RTTN: variants seen among roughly 807,000 people sequenced by gnomAD.
RTTN encodes rotatin.
A neutral mutation model predicts 269.2 loss-of-function variants in RTTN; 182 were observed. The observed-to-expected ratio is 0.68, with a 90% CI of 0.60 to 0.76. RTTN has a LOEUF of 0.76. Among genes scored for constraint, RTTN ranks in the 30% least tolerant of loss-of-function variants. RTTN has a pLI of 0.00. For synonymous variants in RTTN, 1,006 were observed against 963.5 expected (o/e 1.04, Z -0.82); for missense variants, 2,545 against 2,608.6 (o/e 0.98, Z 0.53).
At chr18:70,126,468 T>G (rs567573161) in intron 25 of RTTN, among the ~76,000 whole-genome samples, 10 of 152,222 alleles carry the variant, frequency 6.6e-5, no homozygotes, top group Admixed American at 5.2e-4. Context: ...CTGTAGACAA[T>G]GTGGAGCTAC....
Position 70,054,239 on chromosome 18 carries a change from GC to G in RTTN, c.5076del (p.Gln1693SerfsTer11). The G allele has an allele frequency of 1.9e-6, 3 of 1,613,904 alleles. No homozygotes were observed. Among genetic ancestry groups the G allele is most frequent in the Non-Finnish European group, 2.5e-6 (3 of 1,179,872 alleles). On this transcript the variant is annotated frameshift_variant, in exon 38 of 49. Transcript: ENST00000640769. LOFTEE classifies it high-confidence loss of function. ...LEYLSSLSRL[L>X]QSCLLVEPDL... The stretch of plus-strand genomic sequence containing the variant: ...TCAGGCTCCACCAATAAACATGACT[GC>G]AGAAGCCTGGACAAAGAGGATAGGT...
rs530766421 is a variant in RTTN at position 70,114,398 on chromosome 18, TG to T, written c.3683+46del. ...AAAACTTTGAAAATCAAAGAAAACT[TG>T]GGTTCTATATAAATGCACCTAAACC... is the stretch of plus-strand genomic sequence containing the variant. On this transcript the variant is annotated intron_variant, in intron 27 of 48. Transcript: ENST00000640769. 2.6e-4 allele frequency: 404 copies of T among 1,538,078 alleles called. 2 individuals are homozygous for T. In the African/African-American group the frequency reaches 4.2e-3, roughly 16 times the overall value.
intron 26 of RTTN, 103 bp from the exon 27 acceptor site, chr18:70,114,702 C>G: frequency 3.3e-6 from 3 of 907,142 alleles, no homozygotes; most frequent in Non-Finnish European, 4.9e-6. Context: ...AGCTATATTA[C>G]CTAACTAGTA....
At chr18:70,183,538 G>A (rs10513989) in intron 10 of RTTN, among the ~76,000 whole-genome samples, 13,242 of 152,088 alleles carry the variant, frequency 0.087, 1,261 homozygotes, top group African/African-American at 0.23. Flanking sequence ...CATCTCAGGA[G>A]CAGAGTTTAA....
chr18:70,202,596 AC>A (rs1363379339), intron 3 of RTTN, among the ~76,000 whole-genome samples: 3 of 152,224 alleles, frequency 2.0e-5, no homozygotes, highest in Non-Finnish European at 4.4e-5. Context: ...TTAAAAATTC[AC>A]AGTGTAAGAC....
chr18:70,127,449 C>A (rs911347470), intron 25 of RTTN, 53 bp downstream of exon 25: 1 of 1,589,186 alleles, frequency 6.3e-7, no homozygotes, highest in Non-Finnish European at 8.6e-7. Context: ...GAGATGAACA[C>A]AATACAATGC....
intron 14 of RTTN, among the ~76,000 whole-genome samples, chr18:70,154,962 C>A (rs936126346): frequency 2.0e-5 from 3 of 152,074 alleles, no homozygotes; most frequent in Non-Finnish European, 4.4e-5. Context: ...ACACATTCAA[C>A]ATCTCACTTT....
intron 23 of RTTN, chr18:70,131,919 C>CA (rs1322550672): frequency 1.3e-5 from 2 of 149,238 alleles, no homozygotes; most frequent in African/African-American, 2.5e-5. Context: ...TCAGATTGGA[C>CA]AAAAAAACTC....
intron 21 of RTTN, among the ~76,000 whole-genome samples, chr18:70,137,323 A>G (rs1360048623): frequency 6.6e-6 from 1 of 152,194 alleles, no homozygotes; most frequent in Non-Finnish European, 1.5e-5. Flanking sequence ...TGGTATAGTA[A>G]ATGATTTCTA....
At chr18:70,011,128 G>A (rs908850245) in intron 46 of RTTN, among the ~76,000 whole-genome samples, 6 of 152,112 alleles carry the variant, frequency 3.9e-5, no homozygotes, top group Non-Finnish European at 8.8e-5. Flanking sequence ...CCCGGGACCA[G>A]ATGAATTCAC....
At chr18:70,100,725 G>T (rs1247619792) in intron 28 of RTTN, among the ~76,000 whole-genome samples, 2 of 152,164 alleles carry the variant, frequency 1.3e-5, no homozygotes, top group African/African-American at 4.8e-5. Context: ...GTCATAAATA[G>T]CTCTTATTAT....
intron 37 of RTTN, among the ~76,000 whole-genome samples, 177 bp downstream of exon 37, chr18:70,057,565 T>TG (rs1420033340): frequency 4.6e-5 from 7 of 152,368 alleles, no homozygotes; most frequent in Non-Finnish European, 8.8e-5. Context: ...CTCTCTTTTC[T>TG]AACATCCAGA....
rs200758402 is a variant in RTTN at position 70,140,091 on chromosome 18, T to C, written c.2670+9A>G. 1.0e-4 allele frequency: 160 copies of C among 1,549,626 alleles called. No individual in the cohort carries two copies. In the East Asian group the frequency reaches 2.2e-3, roughly 21 times the overall value. ...TGTAAAACAATGTCTAGATGCACAT[T>C]AGCCTTACCTTGCCATCTTGACTCA... On this transcript the variant is annotated intron_variant, in intron 20 of 48. Transcript: ENST00000640769.
intron 28 of RTTN, among the ~76,000 whole-genome samples, chr18:70,103,741 A>T (rs946144152): frequency 6.8e-6 from 1 of 147,360 alleles, no homozygotes; most frequent in Admixed American, 6.9e-5. Context: ...AGAAACACCC[A>T]AGAATGATCA....
chr18:70,044,424 T>C (rs116405048), intron 40 of RTTN, among the ~76,000 whole-genome samples: 2,799 of 152,326 alleles, frequency 0.018, 78 homozygotes, highest in African/African-American at 0.064. Flanking sequence ...TTGTTATCTA[T>C]ATGTATTTGC....
At chr18:70,168,834 G>C (rs1440694982) in intron 12 of RTTN, 21 bp downstream of exon 12, 1 of 1,535,902 alleles carries the variant, frequency 6.5e-7, no homozygotes, top group South Asian at 1.2e-5. Context: ...ATTTAAAAGA[G>C]ATATTAAAAA....
intron 37 of RTTN, among the ~76,000 whole-genome samples, chr18:70,057,481 C>T (rs1456739492): frequency 2.0e-5 from 3 of 152,136 alleles, no homozygotes; most frequent in Non-Finnish European, 4.4e-5. Context: ...TCCAAGATAT[C>T]CAGACACTTG....
Position 70,024,750 on chromosome 18 carries a change from A to G in RTTN, c.5922T>C (p.Leu1974=), listed in dbSNP as rs1334167871. 1 of 1,613,934 alleles carries G rather than the reference A, an allele frequency of 6.2e-7. No individual in the cohort carries two copies. Among genetic ancestry groups the G allele is most frequent in the Admixed American group, 1.7e-5 (1 of 60,016 alleles). Residue 1974 remains leucine (L), a synonymous_variant, in exon 44 of 49, where the codon CTT becomes CTC. Transcript: ENST00000640769. ...TTGGAAAATTTGCAGTATAGACACAAAGGAGCTGCAGAGAAATTTGCATCA... is the reference window on the plus strand; with the variant it reads ...TTGGAAAATTTGCAGTATAGACACAGAGGAGCTGCAGAGAAATTTGCATCA... ...DSLMQISLQL[L]CVYTANFPNG...
chr18:70,006,696 A>G, intron 46 of RTTN: 2 of 477,596 alleles, frequency 4.2e-6, no homozygotes, highest in African/African-American at 3.9e-5. Flanking sequence ...AGAAGGGTCA[A>G]AGACACTGAA....
Sources: gnomAD v4.1 joint callset for allele counts (sites outside exome capture counted in the v4.1 genomes callset) on GRCh38, gnomAD v4.1.1 for gene constraint, MANE v1.5 for transcripts, NCBI Gene and HGNC (gene_info 2026-07-23, HGNC 2026-07-21) for gene names.